DLGAP1: variants seen among roughly 807,000 people sequenced by gnomAD.
DLGAP1 encodes disks large-associated protein 1.
Under a neutral mutation model 90.8 loss-of-function variants are expected in DLGAP1, and 11 were observed. That is an observed-to-expected ratio of 0.12 (90% CI 0.08 to 0.20). The LOEUF is 0.20. Ranked by LOEUF, DLGAP1 falls within the 10% of genes least tolerant of loss-of-function variation. DLGAP1 has a pLI of 1.00. For synonymous variants in DLGAP1, 558 were observed against 540.7 expected, an observed-to-expected ratio of 1.03 and a Z score of -0.44; for missense variants, 1,050 against 1,333.8, an observed-to-expected ratio of 0.79 and a Z score of 3.31.
intron 1 of DLGAP1, among the ~76,000 whole-genome samples, chr18:4,307,009 AC>A (rs1325741802): frequency 1.3e-5 from 2 of 152,214 alleles, no homozygotes. Context: ...TAATTGAATC[AC>A]AAGAAACACA....
At chr18:4,207,166 A>G (rs1049754111) in intron 1 of DLGAP1, among the ~76,000 whole-genome samples, 1 of 152,172 alleles carries the variant, frequency 6.6e-6, no homozygotes, top group Non-Finnish European at 1.5e-5. Flanking sequence ...TTTATAAAGG[A>G]AAGAGGTTTA....
intron 1 of DLGAP1, among the ~76,000 whole-genome samples, chr18:4,345,624 T>C (rs1201802792): frequency 1.3e-5 from 2 of 152,230 alleles, no homozygotes; most frequent in African/African-American, 4.8e-5. Flanking sequence ...ATGCTTGTCA[T>C]GAAATTCCAC....
rs535650045 is a variant in DLGAP1, at chr18:4,220,642, C to T, written c.-266-69355G>A. Among the ~76,000 whole-genome samples the T allele has an allele frequency of 2.0e-5, 3 of 152,106 alleles. No homozygotes were observed. The South Asian group carries it at 6.2e-4, about 32-fold the overall frequency. ...CTTGGACAAATTCCTTAATGTTCTC[C>T]ATTGACATGGTAAATTTCTTATGAT... On this transcript the variant is annotated intron_variant, in intron 1 of 12. Coordinates refer to ENST00000315677, the MANE Select transcript of DLGAP1 (RefSeq NM_004746.4).
At chr18:3,769,683 C>T (rs935566635) in intron 5 of DLGAP1, among the ~76,000 whole-genome samples, 5 of 151,788 alleles carry the variant, frequency 3.3e-5, no homozygotes, top group Non-Finnish European at 7.4e-5. Context: ...TTGGTGATTG[C>T]GAGGGGTAAA....
chr18:3,860,351 A>G (rs936035651), intron 4 of DLGAP1, among the ~76,000 whole-genome samples: 22 of 152,128 alleles, frequency 1.4e-4, no homozygotes, highest in Admixed American at 1.4e-3. Context: ...GCATCATATA[A>G]TGTCCCATTT....
intron 7 of DLGAP1, among the ~76,000 whole-genome samples, chr18:3,648,405 A>G (rs974640513): frequency 1.3e-5 from 2 of 152,236 alleles, no homozygotes; most frequent in African/African-American, 4.8e-5. Flanking sequence ...TCAATACAAA[A>G]TGGATTTTAC....
chr18:4,032,043 A>T (rs2149131042), intron 2 of DLGAP1, among the ~76,000 whole-genome samples: 1 of 152,308 alleles, frequency 6.6e-6, no homozygotes, highest in African/African-American at 2.4e-5. Flanking sequence ...GATACTTCAC[A>T]TTGCAAGGAA....
intron 9 of DLGAP1, among the ~76,000 whole-genome samples, chr18:3,547,145 CA>C (rs2053086033): frequency 6.6e-6 from 1 of 151,368 alleles, no homozygotes; most frequent in South Asian, 2.1e-4. Context: ...ACTAAAAATA[CA>C]AAAAATTAGC....
At chr18:4,105,316 C>T (rs1424040125) in intron 2 of DLGAP1, among the ~76,000 whole-genome samples, 1 of 152,174 alleles carries the variant, frequency 6.6e-6, no homozygotes, top group Non-Finnish European at 1.5e-5. Context: ...AAGTTAGCAG[C>T]AAAGTCCTCC....
intron 1 of DLGAP1, among the ~76,000 whole-genome samples, chr18:4,242,504 AC>A (rs1341224120): frequency 6.6e-6 from 1 of 152,124 alleles, no homozygotes; most frequent in African/African-American, 2.4e-5. Context: ...CTTAGGAAAA[AC>A]TTTCCACTTC....
rs550408953 is a variant in DLGAP1 at position 4,383,699 on chromosome 18, C to T, written c.-267+71307G>A. Reference sequence around the variant, plus strand: ...AGATTATTATACTTCCTTTTGATAACCCACATAATATGACCATGTGACTGT... The same window carrying T: ...AGATTATTATACTTCCTTTTGATAATCCACATAATATGACCATGTGACTGT... On this transcript the variant is annotated intron_variant, in intron 1 of 12. Transcript: ENST00000315677. This position sits in a 1 kb window ranked among gnomAD's most constrained non-coding sequence, Gnocchi z 4.0. Among the ~76,000 whole-genome samples the T allele has an allele frequency of 6.6e-6, 1 of 152,126 alleles. No homozygotes were observed. The highest frequency in any genetic ancestry group is 2.4e-5 in the African/African-American group (1 of 41,514).
intron 10 of DLGAP1, among the ~76,000 whole-genome samples, chr18:3,510,725 T>G (rs2050493878): frequency 6.6e-6 from 1 of 152,230 alleles, no homozygotes; most frequent in African/African-American, 2.4e-5. Context: ...TCCTGGGAGC[T>G]ATCGCAGAAA....
chr18:3,983,785 T>C (rs1345804416), intron 3 of DLGAP1: 1 of 152,056 alleles, frequency 6.6e-6, no homozygotes, highest in African/African-American at 2.4e-5. Flanking sequence ...GGAAAATAAA[T>C]CATCAGCCCA....
intron 1 of DLGAP1, among the ~76,000 whole-genome samples, chr18:4,214,576 C>G (rs189092981): frequency 1.3e-5 from 2 of 152,266 alleles, no homozygotes; most frequent in Non-Finnish European, 2.9e-5. Context: ...CTGTGGAAAT[C>G]TTAGCATTGA....
At chr18:4,451,477 G>A (rs1396546444) in intron 1 of DLGAP1, among the ~76,000 whole-genome samples, 1 of 152,140 alleles carries the variant, frequency 6.6e-6, no homozygotes, top group Non-Finnish European at 1.5e-5. Context: ...GTGTCTAATA[G>A]ATTAAAATGA....
chr18:3,505,682 C>A (rs553251980), intron 11 of DLGAP1, among the ~76,000 whole-genome samples: 2 of 143,898 alleles, frequency 1.4e-5, no homozygotes, highest in Admixed American at 6.9e-5. Flanking sequence ...TCCATGTGTT[C>A]TTTTTGAGCA....
rs1305797850 is a variant in DLGAP1 at position 3,499,475 on chromosome 18, AAC to A, written c.2725-83_2725-82del. The A allele has an allele frequency of 7.6e-6, 11 of 1,444,494 alleles. No individual in the cohort carries two copies. The Admixed American group carries it at 2.2e-4, about 29-fold the overall frequency. The allele number at this position is 1,444,494 out of a possible 1,614,324, so 89.5% of individuals were successfully genotyped here. Reference sequence around the variant, plus strand: ...AAAACTGGGATAGGTCAGTAGTTAGAACACACAGTTTTTTACCTAGGGGTGGT... The same window carrying A: ...AAAACTGGGATAGGTCAGTAGTTAGAACACAGTTTTTTACCTAGGGGTGGT... On this transcript the variant is annotated intron_variant, in intron 12 of 12. Transcript: ENST00000315677. The surrounding 1 kb of genome is among the most constrained non-coding windows in gnomAD (Gnocchi z 6.4).
chr18:3,965,769 G>A (rs577947254), intron 3 of DLGAP1, among the ~76,000 whole-genome samples: 1 of 151,726 alleles, frequency 6.6e-6, no homozygotes, highest in Non-Finnish European at 1.5e-5. Context: ...CTAACATGGC[G>A]AAACCCCATC....
chr18:3,992,891 T>C (rs1299810910), intron 3 of DLGAP1, among the ~76,000 whole-genome samples: 1 of 152,250 alleles, frequency 6.6e-6, no homozygotes, highest in Non-Finnish European at 1.5e-5. Flanking sequence ...CGCTGGCAAT[T>C]CACAAGACAC....
Sources: allele counts gnomAD v4.1 joint callset (sites outside exome capture counted in the v4.1 genomes callset), GRCh38; gene constraint gnomAD v4.1.1; non-coding constraint Gnocchi (gnomAD v3.1); transcripts MANE v1.5; gene names NCBI Gene and HGNC (gene_info 2026-07-23, HGNC 2026-07-21).